CIBAR1: variants seen among roughly 807,000 people sequenced by gnomAD.
The protein encoded by CIBAR1 is CBY1 interacting BAR domain containing 1.
Under a neutral mutation model 44.0 loss-of-function variants are expected in CIBAR1, and 25 were observed. That is an observed-to-expected ratio of 0.57 (90% confidence interval 0.41 to 0.79). CIBAR1 has a LOEUF of 0.79. Among genes scored for constraint, CIBAR1 ranks in the 30% least tolerant of loss-of-function variants. CIBAR1 has a pLI of 0.00. For missense variants in CIBAR1, 278 were observed against 344.8 expected, an observed-to-expected ratio of 0.81 and a Z score of 1.53; for synonymous variants, 115 against 119.0, an observed-to-expected ratio of 0.97 and a Z score of 0.22.
chr8:93,700,839 C>T (rs992531521), intron 1 of CIBAR1, 166 bp downstream of exon 1: 2 of 1,312,952 alleles, frequency 1.5e-6, no homozygotes, highest in Non-Finnish European at 1.9e-6. Context: ...CTGCAGCCAC[C>T]GCCGGCGGCG....
intron 8 of CIBAR1, among the ~76,000 whole-genome samples, chr8:93,727,802 C>G (rs1188799974): frequency 1.3e-5 from 2 of 152,206 alleles, no homozygotes; most frequent in African/African-American, 2.4e-5. Context: ...CCATTTAAAT[C>G]ACACTACTTT....
In CIBAR1 at chr8:93,707,998, T is replaced by C. The variant is rs777621370; in HGVS notation, c.433-13T>C. ...TCTTTGAAATGTATTTTTTCCTTTA[T>C]GAAAAATTTCAGTCACAGGTGGGTA... On this transcript the variant is annotated splice_polypyrimidine_tract_variant and intron_variant, in intron 4 of 8. Coordinates refer to ENST00000518322, the MANE Select transcript of CIBAR1 (RefSeq NM_145269.5). 3.2e-6 allele frequency: 5 copies of C among 1,558,492 alleles called. No individual in the cohort carries two copies. In the South Asian group the frequency reaches 5.9e-5, roughly 18 times the overall value.
chr8:93,713,281 C>T (rs1219922853), intron 6 of CIBAR1, among the ~76,000 whole-genome samples: 2 of 152,126 alleles, frequency 1.3e-5, no homozygotes, highest in East Asian at 3.9e-4. Flanking sequence ...GATCTGCCCA[C>T]CTCCACCTCC....
In CIBAR1 at chr8:93,731,397, T is replaced by G. The variant is rs1225550632; in HGVS notation, c.*3100T>G. ...ATCTTTGCTCAATTAAAAATATCAT[T>G]TCTACTTTCTTCATTGTGCTTGGTT... On this transcript the variant is annotated 3_prime_UTR_variant, in exon 9 of 9. Coordinates refer to ENST00000518322, the MANE Select transcript of CIBAR1 (RefSeq NM_145269.5). 6.6e-6 allele frequency: 1 copy of G among 152,218 alleles called. No homozygotes were observed. Among genetic ancestry groups the G allele is most frequent in the East Asian group, 1.9e-4 (1 of 5,198 alleles). 9.4% of individuals were successfully genotyped at this position (152,218 alleles called of 1,614,324 possible).
At chr8:93,706,325 T>A (rs1810580500) in intron 4 of CIBAR1, 1 of 151,282 alleles carries the variant, frequency 6.6e-6, no homozygotes, top group Non-Finnish European at 1.5e-5. Context: ...GATTATAGAA[T>A]CTGTGTTTTA....
chr8:93,715,929 C>T (rs537319262), intron 6 of CIBAR1: 8 of 152,194 alleles, frequency 5.3e-5, no homozygotes, highest in Non-Finnish European at 8.8e-5. Context: ...GGAGTTCCTC[C>T]TTCAGAGCAT....
intron 7 of CIBAR1, among the ~76,000 whole-genome samples, chr8:93,724,026 G>GT (rs1167921919): frequency 6.6e-6 from 1 of 152,170 alleles, no homozygotes; most frequent in Non-Finnish European, 1.5e-5. Context: ...GCGGCCAGGA[G>GT]TTTGAGACCA....
rs1215683600 is a variant in CIBAR1, at chr8:93,730,566, ATTC to A, written c.*2272_*2274del. 1.3e-5 allele frequency: 2 copies of A among 152,132 alleles called. No individual in the cohort carries two copies. Among genetic ancestry groups the A allele is most frequent in the Non-Finnish European group, 2.9e-5 (2 of 68,020 alleles). The allele number at this position is 152,132 out of a possible 1,614,324, so 9.4% of individuals were successfully genotyped here. A position where few individuals can be genotyped will look rare whatever the true frequency, so the allele number is the denominator to read the frequency against. On this transcript the variant is annotated 3_prime_UTR_variant, in exon 9 of 9. Coordinates refer to ENST00000518322, the MANE Select transcript of CIBAR1 (RefSeq NM_145269.5). ...AGTGATGTGTACATGAAAATTTACTATTCTTTTTTTATATTTGAAATTGATGAG... is the reference window on the plus strand; with the variant it reads ...AGTGATGTGTACATGAAAATTTACTATTTTTTTATATTTGAAATTGATGAG...
In CIBAR1 at chr8:93,728,320, A is replaced by G. The variant is rs765431779; in HGVS notation, c.*23A>G. ...TAAACTACACATTTCCATTTTCATC[A>G]TAAATGACTTGAAATCCACAATGAC... is the stretch of plus-strand genomic sequence containing the variant. On this transcript the variant is annotated 3_prime_UTR_variant, in exon 9 of 9. Coordinates refer to ENST00000518322, the MANE Select transcript of CIBAR1 (RefSeq NM_145269.5). 6.9e-7 allele frequency: 1 copy of G among 1,453,180 alleles called. No individual in the cohort carries two copies. Among genetic ancestry groups the G allele is most frequent in the South Asian group, 1.2e-5 (1 of 80,704 alleles). 90.0% of individuals were successfully genotyped at this position (1,453,180 alleles called of 1,614,324 possible). A position where few individuals can be genotyped will look rare whatever the true frequency, so the allele number is the denominator to read the frequency against.
In CIBAR1 at chr8:93,700,575, C is replaced by T. The variant is rs1364908648; in HGVS notation, c.-73C>T. The T allele has an allele frequency of 7.8e-6, 11 of 1,407,950 alleles. No homozygotes were observed. In the Admixed American group the frequency reaches 9.8e-5, roughly 13 times the overall value. The allele number at this position is 1,407,950 out of a possible 1,614,324, so 87.2% of individuals were successfully genotyped here. ...AGGCTCCCGGCGGCTGCTTGCGCCC[C>T]AGCGCGCGCCCAGGCGCCTTGGAAT... On this transcript the variant is annotated 5_prime_UTR_variant, in exon 1 of 9. Coordinates refer to ENST00000518322, the MANE Select transcript of CIBAR1 (RefSeq NM_145269.5).
At chr8:93,701,095 G>T (rs1311358288) in intron 1 of CIBAR1, 129 bp from the exon 2 acceptor site, 1 of 1,486,966 alleles carries the variant, frequency 6.7e-7, no homozygotes, top group Admixed American at 2.3e-5. Flanking sequence ...GCCGGGAGAC[G>T]CTGGGTCGTT....
chr8:93,705,071 T>C, intron 4 of CIBAR1, 61 bp downstream of exon 4: 1 of 1,062,798 alleles, frequency 9.4e-7, no homozygotes, highest in Non-Finnish European at 1.4e-6. Context: ...AAAGTAAATG[T>C]ATATAGAAAT....
At chr8:93,711,563 G>A (rs1810825007) in intron 6 of CIBAR1, among the ~76,000 whole-genome samples, 2 of 152,042 alleles carry the variant, frequency 1.3e-5, no homozygotes, top group South Asian at 4.2e-4. Flanking sequence ...GTATGGTCAG[G>A]GTATAAAGTT....
intron 1 of CIBAR1, 158 bp downstream of exon 1, chr8:93,700,831 G>T (rs1810310980): frequency 7.6e-7 from 1 of 1,318,708 alleles, no homozygotes; most frequent in African/African-American, 1.5e-5. Flanking sequence ...TCCTTGGGCT[G>T]CAGCCACCGC....
chr8:93,713,380 G>A (rs546389204), intron 6 of CIBAR1, among the ~76,000 whole-genome samples: 5 of 152,154 alleles, frequency 3.3e-5, no homozygotes, highest in African/African-American at 1.2e-4. Flanking sequence ...AGTTGTGAGA[G>A]ATTTTTATAT....
In CIBAR1 at chr8:93,728,458, A is replaced by G; in HGVS notation, c.*161A>G. The stretch of plus-strand genomic sequence containing the variant: ...ATGCTGACCAAAAATGAAGGCTTTA[A>G]AAAATATTGCATACCAGTCATTTCA... On this transcript the variant is annotated 3_prime_UTR_variant, in exon 9 of 9. Coordinates refer to ENST00000518322, the MANE Select transcript of CIBAR1 (RefSeq NM_145269.5). The G allele has an allele frequency of 2.0e-6, 1 of 505,034 alleles. No homozygotes were observed. Among genetic ancestry groups the G allele is most frequent in the Non-Finnish European group, 3.5e-6 (1 of 285,540 alleles). 31.3% of individuals were successfully genotyped at this position (505,034 alleles called of 1,614,324 possible).
At chr8:93,719,893 C>T (rs1017409195) in intron 7 of CIBAR1, 2 of 151,858 alleles carry the variant, frequency 1.3e-5, no homozygotes, top group African/African-American at 4.8e-5. Flanking sequence ...TGTAATCCCA[C>T]ATATAACAAG....
rs1258820996 is a variant in CIBAR1, at chr8:93,712,822, T to TC, written c.543+2948dup. ...CATGATGATGCTTTTTTTTTTTTTT[T>TC]CTTAAGATAGAGACGAGGTCTCACT... On this transcript the variant is annotated intron_variant, in intron 6 of 8. Coordinates refer to ENST00000518322, the MANE Select transcript of CIBAR1 (RefSeq NM_145269.5). Among the ~76,000 whole-genome samples, 4 of 151,096 alleles carry TC rather than the reference T, an allele frequency of 2.6e-5. 1 individual carries two copies. The highest frequency in any genetic ancestry group is 1.5e-5 in the Non-Finnish European group (1 of 67,780).
At chr8:93,718,563 A>C in intron 6 of CIBAR1, 112 bp from the exon 7 acceptor site, 1 of 549,096 alleles carries the variant, frequency 1.8e-6, no homozygotes, top group Non-Finnish European at 3.0e-6. Context: ...CTATAGAAAA[A>C]CAGATACTTC....
Sources: allele counts gnomAD v4.1 joint callset (sites outside exome capture counted in the v4.1 genomes callset), GRCh38; gene constraint gnomAD v4.1.1; transcripts MANE v1.5; gene names NCBI Gene and HGNC (gene_info 2026-07-23, HGNC 2026-07-21).